Variants in DYNC1I1 observed in about 807,000 individuals in gnomAD.
DYNC1I1 encodes cytoplasmic dynein 1 intermediate chain 1.
A neutral mutation model predicts 86.6 loss-of-function variants in DYNC1I1; 43 were observed. The ratio of observed to expected loss-of-function variants is 0.50; its 90% confidence interval spans 0.39 to 0.64. DYNC1I1 has a LOEUF of 0.64. DYNC1I1 is among the 30% of genes least tolerant of loss of function. The probability of loss-of-function intolerance (pLI) is 0.00; values close to 1 mark genes in which losing one functional copy is unlikely to be tolerated. For synonymous variants in DYNC1I1, 262 were observed against 283.7 expected (o/e 0.92, Z 0.77); for missense variants, 604 against 788.8 (o/e 0.77, Z 2.81).
At chr7:96,042,957 C>T (rs903442823) in intron 14 of DYNC1I1, among the ~76,000 whole-genome samples, 8 of 151,744 alleles carry the variant, frequency 5.3e-5, no homozygotes, top group African/African-American at 1.7e-4. Flanking sequence ...GTCAGAAGAT[C>T]GAGACCATCC....
intron 5 of DYNC1I1, chr7:95,837,598 T>G (rs1014354723): frequency 6.4e-6 from 1 of 155,702 alleles, no homozygotes; most frequent in Non-Finnish European, 1.4e-5. Flanking sequence ...GATCTCAGAC[T>G]GCTGTGCTAG....
intron 1 of DYNC1I1, among the ~76,000 whole-genome samples, chr7:95,774,378 C>T (rs1270959586): frequency 6.6e-6 from 1 of 152,174 alleles, no homozygotes; most frequent in Admixed American, 6.5e-5. Flanking sequence ...TGCACAGTCC[C>T]CTGGAGGAGG....
intron 14 of DYNC1I1, among the ~76,000 whole-genome samples, chr7:96,046,067 G>A (rs1206495491): frequency 6.6e-6 from 1 of 152,118 alleles, no homozygotes; most frequent in African/African-American, 2.4e-5. Flanking sequence ...CCACTGTCAG[G>A]GAAGACCACA....
intron 6 of DYNC1I1, among the ~76,000 whole-genome samples, chr7:95,968,822 CTCTGTGTGTGTGTGTGTGTG>C (rs1467606272): frequency 7.5e-4 from 100 of 133,634 alleles, no homozygotes; most frequent in South Asian, 3.1e-3. Flanking sequence ...GAATTTTTTG[CTCTGTGTGTGTGTGTGTGTG>C]TGTGTGTGTG....
Position 95,920,792 on chromosome 7 carries a change from T to C in DYNC1I1, c.490+50794T>C, listed in dbSNP as rs1419123404. On this transcript the variant is annotated intron_variant, in intron 6 of 16. Coordinates refer to ENST00000447467, the MANE Select transcript of DYNC1I1 (RefSeq NM_001135556.2). ...CTATCATACACATTTATTATTGTCA[T>C]AGGTGCCATTTGCAGCGCTCTGAAT... Among the ~76,000 whole-genome samples the C allele has an allele frequency of 3.9e-5, 6 of 152,328 alleles. No individual in the cohort carries two copies. The East Asian group carries it at 9.6e-4, about 24-fold the overall frequency.
At chr7:95,777,313 C>A (rs1317052995) in intron 1 of DYNC1I1, among the ~76,000 whole-genome samples, 2 of 152,188 alleles carry the variant, frequency 1.3e-5, no homozygotes, top group African/African-American at 4.8e-5. Flanking sequence ...TGCACAGCAG[C>A]CCCCACCTAA....
chr7:95,912,300 G>A (rs1182792772), intron 6 of DYNC1I1, among the ~76,000 whole-genome samples: 1 of 152,230 alleles, frequency 6.6e-6, no homozygotes, highest in African/African-American at 2.4e-5. Context: ...GCCTCCCAAA[G>A]TGCTGGGATT....
Position 96,107,641 on chromosome 7 carries a change from C to T in DYNC1I1, c.1543-2338C>T, listed in dbSNP as rs181532741. On this transcript the variant is annotated intron_variant, in intron 16 of 16. Transcript: ENST00000537881. ...CCACCTCCTGGGTTCAAGGGATTCTCCTGCCTCAGCCTCCTGAGTAGCTAG... is the reference window on the plus strand; with the variant it reads ...CCACCTCCTGGGTTCAAGGGATTCTTCTGCCTCAGCCTCCTGAGTAGCTAG... Among the ~76,000 whole-genome samples the T allele has an allele frequency of 1.3e-4, 19 of 151,666 alleles. No homozygotes were observed. The East Asian group carries it at 3.3e-3, about 27-fold the overall frequency.
chr7:95,829,469 A>G (rs1309745972), intron 5 of DYNC1I1, among the ~76,000 whole-genome samples: 4 of 152,174 alleles, frequency 2.6e-5, no homozygotes, highest in Non-Finnish European at 1.5e-5. Context: ...AAAGCAGAGA[A>G]TGTATGGTAA....
chr7:95,865,540 C>T (rs1016792833), intron 5 of DYNC1I1, among the ~76,000 whole-genome samples: 3 of 152,124 alleles, frequency 2.0e-5, no homozygotes, highest in Admixed American at 6.6e-5. Context: ...TCTTTGCAGT[C>T]TAGTCATGGG....
chr7:95,833,146 A>G (rs1396044657), intron 5 of DYNC1I1, among the ~76,000 whole-genome samples: 2 of 145,388 alleles, frequency 1.4e-5, no homozygotes, highest in African/African-American at 5.2e-5. Context: ...TGATTTTTGT[A>G]TAAGGTGTAA....
At chr7:96,051,581 A>G (rs984712261) in intron 14 of DYNC1I1, among the ~76,000 whole-genome samples, 2 of 152,342 alleles carry the variant, frequency 1.3e-5, no homozygotes, top group African/African-American at 4.8e-5. Flanking sequence ...AGCAGTTAAC[A>G]TGCATCTCAA....
chr7:96,018,590 G>T (rs1378552181), intron 10 of DYNC1I1, among the ~76,000 whole-genome samples: 4 of 152,116 alleles, frequency 2.6e-5, no homozygotes, highest in Non-Finnish European at 5.9e-5. Flanking sequence ...CAATAAACAA[G>T]AAAACTCCTA....
At chr7:96,072,692 C>T (rs1426242305) in intron 14 of DYNC1I1, among the ~76,000 whole-genome samples, 5 of 152,152 alleles carry the variant, frequency 3.3e-5, no homozygotes, top group Non-Finnish European at 7.4e-5. Flanking sequence ...CAAGCTATAA[C>T]ATGTTTGTGG....
intron 6 of DYNC1I1, among the ~76,000 whole-genome samples, chr7:95,888,864 T>A (rs543233351): frequency 6.6e-6 from 1 of 152,248 alleles, no homozygotes; most frequent in East Asian, 1.9e-4. Context: ...AATTCTAGAA[T>A]GTAAGAGGAA....
intron 16 of DYNC1I1, 134 bp downstream of exon 16, chr7:96,080,622 A>T: frequency 6.8e-7 from 1 of 1,478,690 alleles, no homozygotes; most frequent in East Asian, 2.3e-5. Context: ...ATTGACTTCA[A>T]TGCTAGTTTG....
intron 16 of DYNC1I1, among the ~76,000 whole-genome samples, chr7:96,103,803 G>A (rs755629135): frequency 6.6e-6 from 1 of 151,994 alleles, no homozygotes; most frequent in African/African-American, 2.4e-5. Context: ...TAGTAGAGAC[G>A]GGGTTTTACC....
chr7:95,979,324 CT>C (rs1238556793), intron 7 of DYNC1I1, among the ~76,000 whole-genome samples: 2 of 152,112 alleles, frequency 1.3e-5, no homozygotes, highest in East Asian at 1.9e-4. Context: ...TTAGTTTAAC[CT>C]TTTTTTGCCT....
At chr7:95,832,199 A>G (rs1304737481) in intron 5 of DYNC1I1, among the ~76,000 whole-genome samples, 4 of 109,840 alleles carry the variant, frequency 3.6e-5, no homozygotes, top group Non-Finnish European at 5.1e-5. Context: ...ATTCCCACCT[A>G]TGAGTGAGAA....
Sources: gnomAD v4.1 joint callset for allele counts (sites outside exome capture counted in the v4.1 genomes callset) on GRCh38, gnomAD v4.1.1 for gene constraint, MANE v1.5 for transcripts, NCBI Gene and HGNC (gene_info 2026-07-23, HGNC 2026-07-21) for gene names.